PPP1R37: variants seen among roughly 807,000 people sequenced by gnomAD.
The protein encoded by PPP1R37 is protein phosphatase 1 regulatory subunit 37.
A neutral mutation model predicts 61.0 loss-of-function variants in PPP1R37; 21 were observed. That is an observed-to-expected ratio of 0.34 (90% CI 0.24 to 0.50). The LOEUF (loss-of-function observed/expected upper bound fraction) is 0.50. Ranked by LOEUF, PPP1R37 falls within the 20% of genes least tolerant of loss-of-function variation. The pLI is 0.98. For synonymous variants in PPP1R37, 443 were observed against 433.5 expected (o/e 1.02, Z -0.27); for missense variants, 910 against 952.7 (o/e 0.96, Z 0.59).
chr19:45,140,415 G>T lies in PPP1R37; in HGVS notation c.347-91G>T, dbSNP rs1968595017. ...TCAGCCAGGGCAGGGGCTGGGCCTGGTGGGGGGTGGGAGGTTGGGGGCAGA... is the reference window on the plus strand; with the variant it reads ...TCAGCCAGGGCAGGGGCTGGGCCTGTTGGGGGGTGGGAGGTTGGGGGCAGA... On this transcript the variant is annotated intron_variant, in intron 3 of 12. Transcript: ENST00000221462. 2.9e-5 allele frequency: 37 copies of T among 1,277,716 alleles called. No homozygotes were observed. The South Asian group carries it at 4.4e-4, about 15-fold the overall frequency. 79.1% of individuals were successfully genotyped at this position (1,277,716 alleles called of 1,614,324 possible).
intron 4 of PPP1R37, 22 bp from the exon 5 acceptor site, chr19:45,141,300 G>A: frequency 2.0e-6 from 3 of 1,529,038 alleles, no homozygotes; most frequent in Non-Finnish European, 2.6e-6. Context: ...CTGAGGCTGA[G>A]CCCCCGAATC....
intron 1 of PPP1R37, among the ~76,000 whole-genome samples, chr19:45,113,990 G>A (rs772588029): frequency 2.0e-5 from 3 of 152,198 alleles, no homozygotes; most frequent in Admixed American, 6.5e-5. Flanking sequence ...CCACTCTCCC[G>A]GGGGCTGCTG....
intron 1 of PPP1R37, among the ~76,000 whole-genome samples, chr19:45,109,080 T>G (rs1970185226): frequency 6.6e-6 from 1 of 152,194 alleles, no homozygotes; most frequent in African/African-American, 2.4e-5. Context: ...CCTAACCTGT[T>G]TATTGTTAAC....
chr19:45,137,847 A>AT (rs1968558627), intron 1 of PPP1R37, among the ~76,000 whole-genome samples: 1 of 151,332 alleles, frequency 6.6e-6, no homozygotes, highest in Non-Finnish European at 1.5e-5. Flanking sequence ...AAAAAAAAAA[A>AT]CAAACCAAGG....
At position 45,146,641 on chromosome 19, in the gene PPP1R37, C is replaced by T. The variant is rs1968705787; in HGVS notation, c.*79C>T. 1.7e-6 allele frequency: 1 copy of T among 596,478 alleles called. No homozygotes were observed. The highest frequency in any genetic ancestry group is 2.0e-5 in the South Asian group (1 of 50,456). 36.9% of individuals were successfully genotyped at this position (596,478 alleles called of 1,614,324 possible). A position where few individuals can be genotyped will look rare whatever the true frequency, so the allele number is the denominator to read the frequency against. On this transcript the variant is annotated 3_prime_UTR_variant, in exon 13 of 13. Coordinates refer to ENST00000221462, the MANE Select transcript of PPP1R37 (RefSeq NM_019121.2). Reference sequence around the variant, plus strand: ...GAGAATCTGCTCACCTTCCCCCCAGCCTTCCTGAGGCCCAGGATGCCAGGG... The same window carrying T: ...GAGAATCTGCTCACCTTCCCCCCAGTCTTCCTGAGGCCCAGGATGCCAGGG...
rs1044017736 is a variant in PPP1R37 at position 45,121,132 on chromosome 19, A to G, written c.203-17382A>G. Among the ~76,000 whole-genome samples, 9 of 152,224 alleles carry G rather than the reference A, an allele frequency of 5.9e-5. No individual in the cohort carries two copies. The highest frequency in any genetic ancestry group is 5.9e-4 in the Admixed American group (9 of 15,284). On this transcript the variant is annotated intron_variant, in intron 1 of 12. Coordinates refer to ENST00000221462, the MANE Select transcript of PPP1R37 (RefSeq NM_019121.2). The surrounding 1 kb of genome is among the most constrained non-coding windows in gnomAD (Gnocchi z 4.2). ...TACGGCTCCACCGGTAAAGCACAGT[A>G]GAAGGGCCCCAAGCAGTGTTTGTTC...
At chr19:45,144,762 T>TGGCTCTCTTCCC (rs2122759031) in intron 8 of PPP1R37, 92 bp from the exon 9 acceptor site, 1 of 1,138,168 alleles carries the variant, frequency 8.8e-7, no homozygotes, top group African/African-American at 1.6e-5. Context: ...CGCCCGGGCC[T>TGGCTCTCTTCCC]GGCTCTCTTC....
At chr19:45,108,519 TTAA>T (rs1208279097) in intron 1 of PPP1R37, among the ~76,000 whole-genome samples, 2 of 152,010 alleles carry the variant, frequency 1.3e-5, no homozygotes, top group African/African-American at 4.8e-5. Context: ...GATTTTTTTT[TTAA>T]TGATTGAATG....
At chr19:45,117,005 C>T (rs781399951) in intron 1 of PPP1R37, among the ~76,000 whole-genome samples, 1 of 151,626 alleles carries the variant, frequency 6.6e-6, no homozygotes, top group Admixed American at 6.6e-5. Context: ...CCTCCATCTC[C>T]CAGCTCAAGC....
chr19:45,109,496 C>G (rs7252216), intron 1 of PPP1R37, among the ~76,000 whole-genome samples: 18,906 of 152,236 alleles, frequency 0.12, 1,678 homozygotes, highest in African/African-American at 0.25. Context: ...AACCACAACT[C>G]CAGCCCCATT....
chr19:45,115,695 C>A (rs1968257466), intron 1 of PPP1R37, among the ~76,000 whole-genome samples: 2 of 152,176 alleles, frequency 1.3e-5, no homozygotes, highest in Admixed American at 6.5e-5. Flanking sequence ...AAAGTTGCGG[C>A]CAGGCGCAGT....
intron 7 of PPP1R37, 187 bp from the exon 8 acceptor site, chr19:45,143,334 C>A: frequency 1.9e-6 from 1 of 539,152 alleles, no homozygotes; most frequent in Non-Finnish European, 3.3e-6. Flanking sequence ...GTCATCCAGG[C>A]ACCCAGGCCC....
rs995209443 is a variant in PPP1R37 at position 45,143,516 on chromosome 19, T to C, written c.875-5T>C. The C allele has an allele frequency of 6.6e-7, 1 of 1,524,742 alleles. No homozygotes were observed. Among genetic ancestry groups the C allele is most frequent in the Non-Finnish European group, 8.8e-7 (1 of 1,136,826 alleles). The allele number at this position is 1,524,742 out of a possible 1,614,324, so 94.5% of individuals were successfully genotyped here. On this transcript the variant is annotated splice_polypyrimidine_tract_variant and splice_region_variant and intron_variant, in intron 7 of 12. Transcript: ENST00000221462. ...GACAGGGCTCTGACTGCCGGCCTCC[T>C]CCAGGTCTGGCCTACATCTGCGAGG...
At chr19:45,109,364 CAG>C (rs1434935955) in intron 1 of PPP1R37, among the ~76,000 whole-genome samples, 2 of 152,156 alleles carry the variant, frequency 1.3e-5, no homozygotes, top group African/African-American at 4.8e-5. Context: ...CTGGGGCCCT[CAG>C]AGAGGGCAGA....
Position 45,145,818 on chromosome 19 carries a change from A to ACCCCCCC in PPP1R37, c.1766_1767insCCCCCCC (p.Ser591ProfsTer23). The ACCCCCCC allele has an allele frequency of 7.8e-6, 2 of 254,874 alleles. No individual in the cohort carries two copies. The highest frequency in any genetic ancestry group is 1.1e-5 in the Non-Finnish European group (2 of 180,320). The allele number at this position is 254,874 out of a possible 1,614,324, so 15.8% of individuals were successfully genotyped here. A position where few individuals can be genotyped will look rare whatever the true frequency, so the allele number is the denominator to read the frequency against. ...GAGGGCAGAGCCCCCTGCGTCCCCC[A>ACCCCCCC]CCCCTCCCTCTCCCCCACCCCCTCC... is the stretch of plus-strand genomic sequence containing the variant. On this transcript the variant is annotated frameshift_variant, in exon 11 of 13. Transcript: ENST00000221462. LOFTEE classifies it high-confidence loss of function.
intron 1 of PPP1R37, among the ~76,000 whole-genome samples, chr19:45,113,833 C>G (rs937190435): frequency 6.6e-6 from 1 of 152,206 alleles, no homozygotes; most frequent in Non-Finnish European, 1.5e-5. Flanking sequence ...GTGCCCAGCC[C>G]TGGGTAAATA....
intron 2 of PPP1R37, among the ~76,000 whole-genome samples, chr19:45,139,587 C>T (rs897725338): frequency 3.3e-5 from 5 of 152,210 alleles, no homozygotes; most frequent in African/African-American, 4.8e-5. Flanking sequence ...GAAGCAACCA[C>T]GCTCCTTGTC....
intron 1 of PPP1R37, among the ~76,000 whole-genome samples, chr19:45,134,216 C>A (rs1053896936): frequency 6.6e-6 from 1 of 152,020 alleles, no homozygotes; most frequent in South Asian, 2.1e-4. Flanking sequence ...GTTGGCAAGG[C>A]TGGTCTCAAA....
At chr19:45,118,356 G>A (rs1968297120) in intron 1 of PPP1R37, among the ~76,000 whole-genome samples, 1 of 152,180 alleles carries the variant, frequency 6.6e-6, no homozygotes, top group South Asian at 2.1e-4. Context: ...TGGCCACGGA[G>A]CTGACTTTGG....
Sources: gnomAD v4.1 joint callset for allele counts (sites outside exome capture counted in the v4.1 genomes callset) on GRCh38, gnomAD v4.1.1 for gene constraint, Gnocchi (gnomAD v3.1) non-coding constraint, MANE v1.5 for transcripts, NCBI Gene and HGNC (gene_info 2026-07-23, HGNC 2026-07-21) for gene names.